CBL: variants seen among roughly 807,000 people sequenced by gnomAD.
The protein encoded by CBL is Cbl proto-oncogene, also known as E3 ubiquitin-protein ligase CBL.
CBL carries 45 observed loss-of-function variants against 96.9 expected under a neutral mutation model. The observed-to-expected ratio is 0.46, with a 90% CI of 0.37 to 0.60. CBL has a LOEUF of 0.60. CBL is among the 20% of genes least tolerant of loss of function. The pLI, the probability that CBL is intolerant of heterozygous loss-of-function variation, is 0.00. For missense variants in CBL, 1,024 were observed against 1,143.5 expected (o/e 0.90, Z 1.51); for synonymous variants, 420 against 426.8 (o/e 0.98, Z 0.20).
intron 2 of CBL, among the ~76,000 whole-genome samples, chr11:119,241,890 A>G (rs1402290333): frequency 2.0e-5 from 3 of 152,208 alleles, no homozygotes; most frequent in Non-Finnish European, 4.4e-5. Flanking sequence ...TTTAAAGCTA[A>G]CATACCAGGA....
chr11:119,271,365 A>C (rs113242655), intron 2 of CBL, among the ~76,000 whole-genome samples: 6 of 152,348 alleles, frequency 3.9e-5, no homozygotes, highest in African/African-American at 1.4e-4. Context: ...TATATGACTA[A>C]ATTTTTTCTC....
Position 119,292,304 on chromosome 11 carries a change from C to T in CBL, c.2036+4358C>T, listed in dbSNP as rs892432508. Among the ~76,000 whole-genome samples, 6 of 151,766 alleles carry T rather than the reference C, an allele frequency of 4.0e-5. No individual in the cohort carries two copies. The South Asian group carries it at 1.2e-3, about 32-fold the overall frequency. On this transcript the variant is annotated intron_variant, in intron 12 of 15. Transcript: ENST00000264033. ...TATTGCAGTCCCTCTTTGTCCTCCTCTTCTGGGACTACCTTTTCCGGAATG... is the reference window on the plus strand; with the variant it reads ...TATTGCAGTCCCTCTTTGTCCTCCTTTTCTGGGACTACCTTTTCCGGAATG...
At position 119,210,106 on chromosome 11, in the gene CBL, T is replaced by C. The variant is rs148861960; in HGVS notation, c.195+3494T>C. Among the ~76,000 whole-genome samples, 520 of 152,270 alleles carry C rather than the reference T, an allele frequency of 3.4e-3. 3 individuals are homozygous for C. The highest frequency in any genetic ancestry group is 0.013 in the East Asian group (66 of 5,190). ...ACCTAAATTGGCCTTAAATGTATGCTGGGCTCACACCTGTAATCCCAACAC... is the reference window on the plus strand; with the variant it reads ...ACCTAAATTGGCCTTAAATGTATGCCGGGCTCACACCTGTAATCCCAACAC... On this transcript the variant is annotated intron_variant, in intron 1 of 15. Transcript: ENST00000264033.
At chr11:119,296,461 C>G (rs992824210) in intron 12 of CBL, among the ~76,000 whole-genome samples, 1 of 152,172 alleles carries the variant, frequency 6.6e-6, no homozygotes, top group African/African-American at 2.4e-5. Context: ...CTTTATCTCT[C>G]TCTATTTTAA....
At chr11:119,225,441 C>G (rs921448944) in intron 1 of CBL, among the ~76,000 whole-genome samples, 2 of 152,090 alleles carry the variant, frequency 1.3e-5, no homozygotes, top group Non-Finnish European at 2.9e-5. Flanking sequence ...TTCTGTCCTA[C>G]AGGCTGGAGT....
intron 11 of CBL, among the ~76,000 whole-genome samples, chr11:119,287,635 C>T (rs1435302178): frequency 6.6e-6 from 1 of 151,914 alleles, no homozygotes; most frequent in East Asian, 1.9e-4. Flanking sequence ...AGTTCATTTC[C>T]CTGGCTCTTT....
intron 4 of CBL, among the ~76,000 whole-genome samples, 178 bp from the exon 5 acceptor site, chr11:119,274,654 C>T (rs1025828905): frequency 8.5e-5 from 13 of 152,150 alleles, no homozygotes; most frequent in Admixed American, 2.6e-4. Context: ...TTCTTTTCTT[C>T]GTAGCTTTTC....
Position 119,225,813 on chromosome 11 carries a change from C to T in CBL, c.196-6635C>T, listed in dbSNP as rs577129786. 4.7e-5 allele frequency among the ~76,000 whole-genome samples: 7 copies of T among 149,524 alleles called. No individual in the cohort carries two copies. In the East Asian group the frequency reaches 5.9e-4, roughly 13 times the overall value. On this transcript the variant is annotated intron_variant, in intron 1 of 15. Transcript: ENST00000264033. Reference sequence around the variant, plus strand: ...TGCTACCTCAGCTCGCTGCAACCTCCGCCTCCCGGGTTCAACCGATTCTTC... The same window carrying T: ...TGCTACCTCAGCTCGCTGCAACCTCTGCCTCCCGGGTTCAACCGATTCTTC...
rs569737259 is a variant in CBL at position 119,266,570 on chromosome 11, G to A, written c.444-5165G>A. ...CTTTGGGCCTGAGGCACAAAGGTAC[G>A]TTGGCTTTGAAGGTAGGCCCTGAGG... On this transcript the variant is annotated intron_variant, in intron 2 of 15. Transcript: ENST00000264033. 3.3e-5 allele frequency among the ~76,000 whole-genome samples: 5 copies of A among 152,222 alleles called. No individual in the cohort carries two copies. In the South Asian group the frequency reaches 6.2e-4, roughly 19 times the overall value.
chr11:119,294,182 A>C, intron 12 of CBL, among the ~76,000 whole-genome samples: 1 of 152,186 alleles, frequency 6.6e-6, no homozygotes, highest in East Asian at 1.9e-4. Flanking sequence ...TAATCCCAGC[A>C]CTTTGGGAGG....
At chr11:119,241,356 G>A (rs993757792) in intron 2 of CBL, among the ~76,000 whole-genome samples, 4 of 152,116 alleles carry the variant, frequency 2.6e-5, no homozygotes, top group Non-Finnish European at 5.9e-5. Context: ...TTAAAAACTT[G>A]ATTGTATTCA....
intron 2 of CBL, among the ~76,000 whole-genome samples, chr11:119,256,141 A>G (rs115407173): frequency 1.1e-4 from 16 of 151,864 alleles, no homozygotes; most frequent in African/African-American, 2.2e-4. Context: ...TTGTTGTTGC[A>G]GTAACGTCTA....
intron 7 of CBL, 113 bp from the exon 8 acceptor site, chr11:119,278,053 C>T (rs961965675): frequency 7.8e-6 from 8 of 1,023,186 alleles, no homozygotes; most frequent in Non-Finnish European, 1.2e-5. Flanking sequence ...ACTGTTGTGA[C>T]ATTTTTATAT....
chr11:119,303,767 C>T lies in CBL; in HGVS notation c.*3986C>T, dbSNP rs1400413193. The T allele has an allele frequency of 4.3e-6, 1 of 233,572 alleles. No individual in the cohort carries two copies. Among genetic ancestry groups the T allele is most frequent in the Non-Finnish European group, 8.5e-6 (1 of 118,066 alleles). 14.5% of individuals were successfully genotyped at this position (233,572 alleles called of 1,614,324 possible). On this transcript the variant is annotated 3_prime_UTR_variant, in exon 16 of 16. Coordinates refer to ENST00000264033, the MANE Select transcript of CBL (RefSeq NM_005188.4). ...AAAGGTAAGTTGGCTCAGAGTTGCA[C>T]AGTAGGGCATTAAATGTTTAAGCAA...
chr11:119,297,077 G>C, intron 13 of CBL, 43 bp downstream of exon 13: 1 of 1,001,218 alleles, frequency 1.0e-6, no homozygotes, highest in Non-Finnish European at 1.6e-6. Flanking sequence ...ACCTTTATGT[G>C]GGTAATTGAC....
At position 119,307,958 on chromosome 11, in the gene CBL, A is replaced by T; in HGVS notation, c.*8177A>T. ...TAAATATTCTTACAGAGAATAGCAG[A>T]GCTTTAAGATTCATTTTCATTTTAA... On this transcript the variant is annotated 3_prime_UTR_variant, in exon 16 of 16. Transcript: ENST00000264033. The T allele has an allele frequency of 5.1e-6, 1 of 196,256 alleles. No homozygotes were observed. Among genetic ancestry groups the T allele is most frequent in the Non-Finnish European group, 1.1e-5 (1 of 94,178 alleles). 12.2% of individuals were successfully genotyped at this position (196,256 alleles called of 1,614,324 possible).
chr11:119,224,228 G>T (rs1351261148), intron 1 of CBL, among the ~76,000 whole-genome samples: 1 of 152,114 alleles, frequency 6.6e-6, no homozygotes, highest in East Asian at 1.9e-4. Flanking sequence ...ACATTGTGAG[G>T]GCTGATACAT....
intron 2 of CBL, among the ~76,000 whole-genome samples, chr11:119,244,558 G>T (rs1392389986): frequency 1.3e-5 from 2 of 148,544 alleles, no homozygotes; most frequent in Non-Finnish European, 3.0e-5. Flanking sequence ...GCTGGAACAG[G>T]TGCATGCTAC....
At chr11:119,282,812 G>A (rs557116631) in intron 9 of CBL, among the ~76,000 whole-genome samples, 93 of 152,292 alleles carry the variant, frequency 6.1e-4, no homozygotes, top group African/African-American at 2.1e-3. Context: ...GCCACCCGCG[G>A]TGGCTCACGC....
Sources: allele counts gnomAD v4.1 joint callset (sites outside exome capture counted in the v4.1 genomes callset), GRCh38; gene constraint gnomAD v4.1.1; transcripts MANE v1.5; gene names NCBI Gene and HGNC (gene_info 2026-07-23, HGNC 2026-07-21).